PBRM1: variants seen among roughly 807,000 people sequenced by gnomAD.
The protein encoded by PBRM1 is polybromo 1, also known as protein polybromo-1.
A neutral mutation model predicts 194.5 loss-of-function variants in PBRM1; 27 were observed. The observed-to-expected ratio is 0.14, with a 90% CI of 0.10 to 0.19. PBRM1 has a LOEUF of 0.19. PBRM1 is among the 10% of genes least tolerant of loss of function. The probability of loss-of-function intolerance (pLI) is 1.00; values close to 1 mark genes in which losing one functional copy is unlikely to be tolerated. For synonymous variants in PBRM1, 655 were observed against 693.2 expected (o/e 0.94, Z 0.87); for missense variants, 1,466 against 2,077.2 (o/e 0.71, Z 5.72).
intron 12 of PBRM1, 81 bp downstream of exon 13, chr3:52,628,813 A>T: frequency 7.8e-7 from 1 of 1,283,200 alleles, no homozygotes; most frequent in Non-Finnish European, 1.1e-6. Flanking sequence ...GGGATCACAC[A>T]TCTTACTAGA....
At chr3:52,636,961 A>G (rs886699551) in intron 10 of PBRM1, among the ~76,000 whole-genome samples, 3 of 151,892 alleles carry the variant, frequency 2.0e-5, no homozygotes, top group African/African-American at 7.3e-5. Context: ...TTCTTTTTCA[A>G]ATGGGAAAAC....
chr3:52,650,761 G>C (rs981487139), intron 6 of PBRM1, among the ~76,000 whole-genome samples: 1 of 152,132 alleles, frequency 6.6e-6, no homozygotes, highest in African/African-American at 2.4e-5. Flanking sequence ...GAGGAAGCAG[G>C]CAAATCACCT....
At chr3:52,569,913 AG>A (rs1299005901) in intron 22 of PBRM1, among the ~76,000 whole-genome samples, 1 of 152,172 alleles carries the variant, frequency 6.6e-6, no homozygotes, top group East Asian at 1.9e-4. Flanking sequence ...TCCACTGGCT[AG>A]TACCTCTAGA....
intron 22 of PBRM1, among the ~76,000 whole-genome samples, chr3:52,574,278 C>T (rs576351248): frequency 2.6e-5 from 4 of 152,278 alleles, no homozygotes; most frequent in South Asian, 2.1e-4. Flanking sequence ...AGAGCAGACC[C>T]ATTTACATGA....
intron 14 of PBRM1, among the ~76,000 whole-genome samples, chr3:52,615,994 C>T (rs892654311): frequency 2.0e-5 from 3 of 152,192 alleles, no homozygotes; most frequent in African/African-American, 7.2e-5. Flanking sequence ...AATAAGGTTA[C>T]TCACCTTATG....
At chr3:52,651,994 A>T (rs150965354) in intron 5 of PBRM1, among the ~76,000 whole-genome samples, 184 bp from the exon 7 acceptor site, 112 of 152,354 alleles carry the variant, frequency 7.4e-4, no homozygotes, top group African/African-American at 2.6e-3. Context: ...TAATCTTAAG[A>T]AGCTTCATGA....
At chr3:52,632,884 G>A (rs113239569) in intron 11 of PBRM1, among the ~76,000 whole-genome samples, 6 of 152,018 alleles carry the variant, frequency 3.9e-5, no homozygotes, top group African/African-American at 1.4e-4. Flanking sequence ...AATGGAGACG[G>A]GGTTTCACAA....
chr3:52,567,772 C>T (rs1462652755), intron 22 of PBRM1, among the ~76,000 whole-genome samples: 1 of 149,062 alleles, frequency 6.7e-6, no homozygotes, highest in Non-Finnish European at 1.5e-5. Flanking sequence ...GCTGGGATTA[C>T]AGGCGTGTGC....
intron 29 of PBRM1, among the ~76,000 whole-genome samples, chr3:52,548,976 A>C (rs1423298645): frequency 6.6e-6 from 1 of 152,022 alleles, no homozygotes; most frequent in Admixed American, 6.6e-5. Context: ...TGAATAGCCT[A>C]ATCGGTTTCT....
At chr3:52,551,166 T>C (rs1194917962) in intron 27 of PBRM1, among the ~76,000 whole-genome samples, 1 of 152,214 alleles carries the variant, frequency 6.6e-6, no homozygotes, top group African/African-American at 2.4e-5. Flanking sequence ...CTCCTGCAAC[T>C]GAAGCCTGTA....
chr3:52,625,636 A>G (rs1023076509), intron 13 of PBRM1, among the ~76,000 whole-genome samples: 1 of 150,628 alleles, frequency 6.6e-6, no homozygotes, highest in African/African-American at 2.4e-5. Flanking sequence ...GTGCAATGGT[A>G]CAATCTCGGC....
At chr3:52,645,196 T>C (rs1238988279) in intron 7 of PBRM1, among the ~76,000 whole-genome samples, 3 of 152,220 alleles carry the variant, frequency 2.0e-5, no homozygotes, top group African/African-American at 7.2e-5. Flanking sequence ...TTTTCCATAT[T>C]AATGAAGCAC....
chr3:52,582,011 G>A (rs531229550), intron 20 of PBRM1, among the ~76,000 whole-genome samples: 15 of 152,206 alleles, frequency 9.9e-5, no homozygotes, highest in African/African-American at 3.4e-4. Context: ...GGGAAGGTGA[G>A]GTGGGTGGGT....
At chr3:52,556,965 A>G (rs1178006524) in intron 26 of PBRM1, among the ~76,000 whole-genome samples, 2 of 142,720 alleles carry the variant, frequency 1.4e-5, no homozygotes, top group African/African-American at 2.6e-5. Flanking sequence ...AGCTGTTTGT[A>G]TTCATTTTGT....
At chr3:52,630,375 T>C (rs1019195880) in intron 11 of PBRM1, among the ~76,000 whole-genome samples, 6 of 152,148 alleles carry the variant, frequency 3.9e-5, no homozygotes, top group African/African-American at 9.7e-5. Context: ...CTGTACAATA[T>C]AGTAGCCACT....
At chr3:52,622,805 T>C (rs570790706) in intron 13 of PBRM1, among the ~76,000 whole-genome samples, 89 of 152,358 alleles carry the variant, frequency 5.8e-4, no homozygotes, top group South Asian at 2.5e-3. Context: ...CTGACCACTT[T>C]GTCAAATGCC....
chr3:52,631,448 C>T (rs2095615371), intron 11 of PBRM1, among the ~76,000 whole-genome samples: 1 of 152,206 alleles, frequency 6.6e-6, no homozygotes. Flanking sequence ...AGCCAACTTA[C>T]TGTTACTTAG....
intron 6 of PBRM1, among the ~76,000 whole-genome samples, chr3:52,649,756 C>T (rs2096437444): frequency 6.6e-6 from 1 of 151,922 alleles, no homozygotes; most frequent in South Asian, 2.1e-4. Context: ...AGGTCAGGAG[C>T]CAAGACACAG....
At chr3:52,673,671 CAAAAAAAAAAAA>C (rs1324914906) in intron 2 of PBRM1, among the ~76,000 whole-genome samples, 1 of 39,256 alleles carries the variant, frequency 2.5e-5, no homozygotes, top group Non-Finnish European at 6.2e-5. Context: ...GACTCCATCT[CAAAAAAAAAAAA>C]AAAAAAAAAG....
Sources: allele counts gnomAD v4.1 joint callset (sites outside exome capture counted in the v4.1 genomes callset), GRCh38; gene constraint gnomAD v4.1.1; transcripts MANE v1.5; gene names NCBI Gene and HGNC (gene_info 2026-07-23, HGNC 2026-07-21).